Variants in MPP2 observed in about 807,000 individuals in gnomAD.
MPP2 encodes the protein MAGUK p55 subfamily member 2.
A neutral mutation model predicts 58.5 loss-of-function variants in MPP2; 42 were observed. The ratio of observed to expected loss-of-function variants is 0.72; its 90% CI spans 0.56 to 0.93. MPP2 has a LOEUF of 0.93. Among genes scored for constraint, MPP2 ranks in the 40% least tolerant of loss-of-function variants. MPP2 has a pLI of 0.00. For missense variants in MPP2, 632 were observed against 760.4 expected, an observed-to-expected ratio of 0.83 and a Z score of 1.99; for synonymous variants, 300 against 307.8, an observed-to-expected ratio of 0.97 and a Z score of 0.26.
intron 3 of MPP2, among the ~76,000 whole-genome samples, chr17:43,896,136 G>A (rs2047836465): frequency 6.6e-6 from 1 of 152,022 alleles, no homozygotes; most frequent in Non-Finnish European, 1.5e-5. Context: ...CCACCACCTG[G>A]CTATACCTTC....
At chr17:43,884,771 T>C (rs1796706649) in intron 3 of MPP2, among the ~76,000 whole-genome samples, 1 of 147,302 alleles carries the variant, frequency 6.8e-6, no homozygotes, top group South Asian at 2.2e-4. Flanking sequence ...GGTTGCAAAA[T>C]AGTGATTACC....
chr17:43,883,284 G>A lies in MPP2; in HGVS notation c.222C>T (p.Ile74=). Residue 74 remains isoleucine (I), a synonymous_variant, in exon 4 of 13, where the codon ATC becomes ATT. Coordinates refer to ENST00000269095, the MANE Select transcript of MPP2 (RefSeq NM_005374.5). ...CAGCCAGCTGCGCCAGGTCCCGCAG[G>A]ATCTCCTGCACCAGCTCCAGGTTGT... ...RDNNLELVQE[I]LRDLAQLAEQ... 2 of 1,613,090 alleles carry A rather than the reference G, an allele frequency of 1.2e-6. No individual in the cohort carries two copies. Among genetic ancestry groups the A allele is most frequent in the East Asian group, 2.2e-5 (1 of 44,878 alleles).
At position 43,883,238 on chromosome 17, in the gene MPP2, C is replaced by T. The variant is rs1347222389; in HGVS notation, c.268G>A (p.Glu90Lys). ...QLAEQSSTAA[E>K]LAHILQEPHF... ...GGCTCCTGGAGGATGTGGGCCAGCT[C>T]GGCGGCTGTGCTGCTCTGCTCAGCC... The change falls in exon 4 of 13, where the codon GAG (glutamate) becomes AAG (lysine). Residue 90 changes from glutamate (E) to lysine (K), a missense_variant. Coordinates refer to ENST00000269095, the MANE Select transcript of MPP2 (RefSeq NM_005374.5). 1.9e-6 allele frequency: 3 copies of T among 1,608,624 alleles called. No individual in the cohort carries two copies. The highest frequency in any genetic ancestry group is 2.5e-6 in the Non-Finnish European group (3 of 1,177,664).
chr17:43,881,060 G>A, intron 9 of MPP2, 30 bp downstream of exon 9: 1 of 1,611,200 alleles, frequency 6.2e-7, no homozygotes, highest in East Asian at 2.2e-5. Flanking sequence ...TGTTAGAGGA[G>A]GGTAAGGGAG....
chr17:43,885,263 G>A (rs142387904), intron 3 of MPP2, among the ~76,000 whole-genome samples: 1 of 150,604 alleles, frequency 6.6e-6, no homozygotes. Context: ...TATCTTCGTT[G>A]ACCCAGTTTA....
chr17:43,892,822 T>TC (rs2047663151), intron 3 of MPP2, among the ~76,000 whole-genome samples: 1 of 152,170 alleles, frequency 6.6e-6, no homozygotes, highest in Admixed American at 6.5e-5. Context: ...ATTGGTTCAT[T>TC]TTCAATTAGG....
intron 3 of MPP2, among the ~76,000 whole-genome samples, chr17:43,896,139 A>G (rs231499): frequency 0.83 from 126,445 of 151,984 alleles, 53,081 homozygotes; most frequent in East Asian, 1. Flanking sequence ...CCACCTGGCT[A>G]TACCTTCTTT....
At chr17:43,895,850 G>A (rs2143715424) in intron 3 of MPP2, among the ~76,000 whole-genome samples, 1 of 152,236 alleles carries the variant, frequency 6.6e-6, no homozygotes, top group Non-Finnish European at 1.5e-5. Flanking sequence ...ATTGCTGAAT[G>A]AAAAGCACCC....
Position 43,877,472 on chromosome 17 carries a change from T to G in MPP2, c.*335A>C. On this transcript the variant is annotated 3_prime_UTR_variant, in exon 13 of 13. Transcript: ENST00000269095. The stretch of plus-strand genomic sequence containing the variant: ...CAGGGGGCAGTGTGCCTACTGACCA[T>G]GTGGTCCCAAAGCAGCTTTTCTCTT... The G allele has an allele frequency of 9.3e-6, 2 of 214,714 alleles. No individual in the cohort carries two copies. The highest frequency in any genetic ancestry group is 5.1e-5 in the Admixed American group (1 of 19,542). The allele number at this position is 214,714 out of a possible 1,614,324, so 13.3% of individuals were successfully genotyped here.
In MPP2 at chr17:43,875,840, A is replaced by C. The variant is rs894281542; in HGVS notation, c.*1967T>G. ...TGGTCATTTGGATCAAGGGGGCAGA[A>C]GCAGCTGCAACAACAGATCTTCCCC... On this transcript the variant is annotated 3_prime_UTR_variant, in exon 13 of 13. Coordinates refer to ENST00000269095, the MANE Select transcript of MPP2 (RefSeq NM_005374.5). The C allele has an allele frequency of 2.0e-5, 3 of 152,246 alleles. No homozygotes were observed. The highest frequency in any genetic ancestry group is 7.2e-5 in the African/African-American group (3 of 41,446). The allele number at this position is 152,246 out of a possible 1,614,324, so 9.4% of individuals were successfully genotyped here. A position where few individuals can be genotyped will look rare whatever the true frequency, so the allele number is the denominator to read the frequency against.
At chr17:43,902,257 C>T (rs1406939928) in intron 2 of MPP2, among the ~76,000 whole-genome samples, 1 of 152,126 alleles carries the variant, frequency 6.6e-6, no homozygotes, top group African/African-American at 2.4e-5. Flanking sequence ...ACCGCCACAC[C>T]CCAAGGCTCC....
chr17:43,902,266 C>A (rs941724486), intron 2 of MPP2, among the ~76,000 whole-genome samples: 1 of 152,232 alleles, frequency 6.6e-6, no homozygotes, highest in Non-Finnish European at 1.5e-5. Context: ...CCCCAAGGCT[C>A]CACTCCCTGT....
At chr17:43,883,149 T>G in intron 4 of MPP2, 54 bp downstream of exon 4, 1 of 1,560,304 alleles carries the variant, frequency 6.4e-7, no homozygotes, top group Non-Finnish European at 8.7e-7. Flanking sequence ...AACAGCAGCA[T>G]GCCCCAGTCC....
Position 43,879,989 on chromosome 17 carries a change from G to A in MPP2, c.1151-5C>T, listed in dbSNP as rs77349315. The A allele has an allele frequency of 3.6e-3, 5,884 of 1,613,942 alleles. 178 individuals carry two copies. The Admixed American group carries it at 0.057, about 16-fold the overall frequency. Reference sequence around the variant, plus strand: ...CTTTCGGCCGCCGGGAGGTGTCTAGGGGGATGGGGGTAGGTTGGACCAAAT... The same window carrying A: ...CTTTCGGCCGCCGGGAGGTGTCTAGAGGGATGGGGGTAGGTTGGACCAAAT... On this transcript the variant is annotated splice_polypyrimidine_tract_variant and splice_region_variant and intron_variant, in intron 10 of 12. Transcript: ENST00000269095. The surrounding 1 kb of genome is among the most constrained non-coding windows in gnomAD (Gnocchi z 4.1).
chr17:43,905,177 A>T (rs1193356297), intron 1 of MPP2, among the ~76,000 whole-genome samples: 2 of 57,540 alleles, frequency 3.5e-5, no homozygotes, highest in South Asian at 4.7e-4. Context: ...AACCTGTCTT[A>T]AAAAAAAAAA....
intron 3 of MPP2, among the ~76,000 whole-genome samples, chr17:43,893,249 G>C (rs1245440652): frequency 6.6e-6 from 1 of 152,206 alleles, no homozygotes; most frequent in Non-Finnish European, 1.5e-5. Context: ...AAAGTACCCA[G>C]AGGTGATGTG....
At chr17:43,904,963 C>G (rs756112834) in intron 1 of MPP2, among the ~76,000 whole-genome samples, 22 of 151,952 alleles carry the variant, frequency 1.4e-4, no homozygotes, top group Non-Finnish European at 2.4e-4. Context: ...ATCACCTGAG[C>G]CCAGGAGTTT....
At position 43,880,668 on chromosome 17, in the gene MPP2, A is replaced by G; in HGVS notation, c.1150+23T>C. 1 of 1,582,058 alleles carries G rather than the reference A, an allele frequency of 6.3e-7. No homozygotes were observed. Among genetic ancestry groups the G allele is most frequent in the Non-Finnish European group, 8.6e-7 (1 of 1,160,116 alleles). ...GAGCCCTGCTCCTTGTCCCCAACTC[A>G]GCAGGGCCCAGCTCCCACTCACAGG... On this transcript the variant is annotated intron_variant, in intron 10 of 12. Transcript: ENST00000269095. The surrounding 1 kb of genome is among the most constrained non-coding windows in gnomAD (Gnocchi z 5.2).
chr17:43,875,884 C>T lies in MPP2; in HGVS notation c.*1923G>A, dbSNP rs183268384. On this transcript the variant is annotated 3_prime_UTR_variant, in exon 13 of 13. Coordinates refer to ENST00000269095, the MANE Select transcript of MPP2 (RefSeq NM_005374.5). Reference sequence around the variant, plus strand: ...CTTCCCCTGCCTCTACCCTCAAATCCCCCAGAGAAGGTAGGAAATGGCAAG... The same window carrying T: ...CTTCCCCTGCCTCTACCCTCAAATCTCCCAGAGAAGGTAGGAAATGGCAAG... The T allele has an allele frequency of 1.3e-5, 2 of 152,306 alleles. No individual in the cohort carries two copies. Among genetic ancestry groups the T allele is most frequent in the Admixed American group, 1.3e-4 (2 of 15,298 alleles). 9.4% of individuals were successfully genotyped at this position (152,306 alleles called of 1,614,324 possible).
Sources: allele counts gnomAD v4.1 joint callset (sites outside exome capture counted in the v4.1 genomes callset), GRCh38; gene constraint gnomAD v4.1.1; non-coding constraint Gnocchi (gnomAD v3.1); transcripts MANE v1.5; gene names NCBI Gene and HGNC (gene_info 2026-07-23, HGNC 2026-07-21).